The following GNB2 variants were observed in gnomAD, a reference collection of about 807,000 sequenced individuals.
GNB2 encodes the protein G protein subunit beta 2.
In GNB2, 7 loss-of-function variants were observed where a neutral mutation model predicts 40.7. That is an observed-to-expected ratio of 0.17 (90% CI 0.10 to 0.32). The LOEUF (loss-of-function observed/expected upper bound fraction) is 0.32, where lower values mean the gene tolerates loss of function less well. GNB2 is among the 10% of genes least tolerant of loss of function. The probability of loss-of-function intolerance (pLI) is 1.00; values close to 1 mark genes in which losing one functional copy is unlikely to be tolerated. For missense variants in GNB2, 286 were observed against 473.0 expected (o/e 0.60, Z 3.67); for synonymous variants, 254 against 191.2 (o/e 1.33, Z -2.71).
In GNB2 at chr7:100,676,322, G is replaced by C; in HGVS notation, c.57G>C (p.Arg19=). The change falls in exon 2 of 10, where the codon CGG becomes CGC. Residue 19 remains arginine (R), a splice_region_variant and synonymous_variant. Coordinates refer to ENST00000303210, the MANE Select transcript of GNB2 (RefSeq NM_005273.4). ...QEAEQLRNQI[R]DARKACGDST... ...CCGAGCAGCTCCGGAACCAGATCCG[G>C]GTGAGGGCCTGGTGCGGGGCGGGCG... 1.2e-6 allele frequency: 2 copies of C among 1,604,550 alleles called. No homozygotes were observed. The highest frequency in any genetic ancestry group is 1.7e-6 in the Non-Finnish European group (2 of 1,175,464).
intron 6 of GNB2, 30 bp from the exon 7 acceptor site, chr7:100,677,722 G>A: frequency 6.2e-7 from 1 of 1,613,292 alleles, no homozygotes; most frequent in Non-Finnish European, 8.5e-7. Context: ...CCCTCCGTGT[G>A]GAGACCTGGC....
At chr7:100,678,346 G>T (rs114089976) in intron 8 of GNB2, 47 bp downstream of exon 8, 12 of 1,604,004 alleles carry the variant, frequency 7.5e-6, no homozygotes, top group Admixed American at 1.7e-5. Flanking sequence ...CCAGGCTCCC[G>T]GCCCTGCTCC....
At position 100,679,104 on chromosome 7, in the gene GNB2, C is replaced by A; in HGVS notation, c.*303C>A. ...ACCCCAGGGGCTGGCTTTTTTAAAA[C>A]TGGTTTTATTTTAATTTTTATTATA... On this transcript the variant is annotated 3_prime_UTR_variant, in exon 10 of 10. Transcript: ENST00000303210. 2.8e-6 allele frequency: 1 copy of A among 361,578 alleles called. No homozygotes were observed. Among genetic ancestry groups the A allele is most frequent in the Non-Finnish European group, 5.0e-6 (1 of 200,108 alleles). 22.4% of individuals were successfully genotyped at this position (361,578 alleles called of 1,614,324 possible). A position where few individuals can be genotyped will look rare whatever the true frequency, so the allele number is the denominator to read the frequency against.
rs76931881 is a variant in GNB2 at position 100,675,881 on chromosome 7, C to G, written c.-89-296C>G. The G allele has an allele frequency of 4.9e-3, 1,107 of 226,624 alleles. 5 individuals are homozygous for G. Among genetic ancestry groups the G allele is most frequent in the Non-Finnish European group, 7.0e-3 (821 of 116,702 alleles). The allele number at this position is 226,624 out of a possible 1,614,324, so 14.0% of individuals were successfully genotyped here. A position where few individuals can be genotyped will look rare whatever the true frequency, so the allele number is the denominator to read the frequency against. On this transcript the variant is annotated intron_variant, in intron 1 of 9. Transcript: ENST00000303210. ...TTTTCGAAGGGACACCCCCGCCCCC[C>G]CCGCCCCAGTTCCTGCCGCGGGTGT...
Position 100,676,507 on chromosome 7 carries a change from G to C in GNB2, c.58-28G>C, listed in dbSNP as rs748952602. The C allele has an allele frequency of 5.6e-6, 9 of 1,593,926 alleles. 1 individual carries two copies. The Admixed American group carries it at 8.3e-5, about 15-fold the overall frequency. On this transcript the variant is annotated intron_variant, in intron 2 of 9. Coordinates refer to ENST00000303210, the MANE Select transcript of GNB2 (RefSeq NM_005273.4). ...TCCTCCCCAACCTGTCTTCTCTCGCGTCTCTCTGGCTCTGCCATCCCTTAC... is the reference window on the plus strand; with the variant it reads ...TCCTCCCCAACCTGTCTTCTCTCGCCTCTCTCTGGCTCTGCCATCCCTTAC...
chr7:100,678,860 G>A lies in GNB2; in HGVS notation c.*59G>A, dbSNP rs1804428723. 1 of 1,326,860 alleles carries A rather than the reference G, an allele frequency of 7.5e-7. No individual in the cohort carries two copies. Among genetic ancestry groups the A allele is most frequent in the South Asian group, 1.2e-5 (1 of 83,940 alleles). 82.2% of individuals were successfully genotyped at this position (1,326,860 alleles called of 1,614,324 possible). A position where few individuals can be genotyped will look rare whatever the true frequency, so the allele number is the denominator to read the frequency against. Reference sequence around the variant, plus strand: ...GGCCCTGCCCATGCCCACACTACAGGCCAGGGCTGCGGGGCTGGCGCAATC... The same window carrying A: ...GGCCCTGCCCATGCCCACACTACAGACCAGGGCTGCGGGGCTGGCGCAATC... On this transcript the variant is annotated 3_prime_UTR_variant, in exon 10 of 10. Coordinates refer to ENST00000303210, the MANE Select transcript of GNB2 (RefSeq NM_005273.4).
chr7:100,676,614 G>A (rs1157816881), intron 3 of GNB2, 41 bp downstream of exon 3: 2 of 1,582,702 alleles, frequency 1.3e-6, no homozygotes, highest in Non-Finnish European at 1.7e-6. Flanking sequence ...AGGGGTTGAA[G>A]GGGCAAGGAT....
intron 7 of GNB2, 127 bp from the exon 8 acceptor site, chr7:100,677,967 CACCT>C: frequency 1.0e-6 from 1 of 1,001,132 alleles, no homozygotes; most frequent in Non-Finnish European, 1.5e-6. Flanking sequence ...GTCCCCTCCC[CACCT>C]AAGGCTCTGA....
chr7:100,676,107 C>T (rs1031510900), intron 1 of GNB2, 70 bp from the exon 2 acceptor site: 1 of 546,066 alleles, frequency 1.8e-6, no homozygotes, highest in South Asian at 2.4e-5. Flanking sequence ...TTCCGGGCCG[C>T]GCTGCAACCC....
In GNB2 at chr7:100,678,545, C is replaced by T. The variant is rs1301350116; in HGVS notation, c.847C>T (p.Arg283Trp). 3.7e-6 allele frequency: 6 copies of T among 1,613,748 alleles called. No homozygotes were observed. Among genetic ancestry groups the T allele is most frequent in the African/African-American group, 1.3e-5 (1 of 74,934 alleles). The change falls in exon 9 of 10, where the codon CGG (arginine) becomes TGG (tryptophan). Residue 283 changes from arginine (R) to tryptophan (W), a missense_variant. Physicochemically the swap from Arg to Trp is moderately radical, Grantham distance 101 (BLOSUM62 -3). Transcript: ENST00000303210. Reference sequence around the variant, plus strand: ...CTCTGTTGCCTTCTCGCGCAGCGGACGGCTGCTGCTCGCTGGCTACGACGA... The same window carrying T: ...CTCTGTTGCCTTCTCGCGCAGCGGATGGCTGCTGCTCGCTGGCTACGACGA... ...ITSVAFSRSG[R>W]LLLAGYDDFN... is the part of the protein sequence containing the mutation.
rs570401973 is a variant in GNB2 at position 100,678,500 on chromosome 7, A to G, written c.802A>G (p.Asn268Asp). The change falls in exon 9 of 10, where the codon AAC becomes GAC. Residue 268 changes from asparagine (N) to aspartate (D), a missense_variant. Asn to Asp is a conservative substitution (Grantham distance 23, BLOSUM62 1). Coordinates refer to ENST00000303210, the MANE Select transcript of GNB2 (RefSeq NM_005273.4). ...DQELLMYSHD[N>D]IICGITSVAF... ...GGAGCTCCTCATGTACTCCCATGAC[A>G]ACATCATCTGTGGCATCACCTCTGT... 12 of 1,613,880 alleles carry G rather than the reference A, an allele frequency of 7.4e-6. No individual in the cohort carries two copies. Among genetic ancestry groups the G allele is most frequent in the South Asian group, 1.1e-5 (1 of 91,086 alleles).
Position 100,676,815 on chromosome 7 carries a change from C to T in GNB2, c.203+16C>T, listed in dbSNP as rs779406494. 6.9e-6 allele frequency: 10 copies of T among 1,445,618 alleles called. No individual in the cohort carries two copies. Among genetic ancestry groups the T allele is most frequent in the East Asian group, 2.4e-5 (1 of 41,934 alleles). The allele number at this position is 1,445,618 out of a possible 1,614,324, so 89.5% of individuals were successfully genotyped here. Reference sequence around the variant, plus strand: ...CCGACTCAAGGTGTGTGTGTGTGCGCGGGCTGGCGCTGTGGGCCGACTTTC... The same window carrying T: ...CCGACTCAAGGTGTGTGTGTGTGCGTGGGCTGGCGCTGTGGGCCGACTTTC... On this transcript the variant is annotated intron_variant, in intron 4 of 9. Transcript: ENST00000303210.
chr7:100,678,760 G>T lies in GNB2; in HGVS notation c.982G>T (p.Ala328Ser). ...GGTCACCGACGATGGCATGGCTGTG[G>T]CCACGGGCTCCTGGGACTCCTTCCT... is the stretch of plus-strand genomic sequence containing the variant. ...LGVTDDGMAV[A>S]TGSWDSFLKI... is the part of the protein sequence containing the mutation. Residue 328 changes from alanine (A) to serine (S), a missense_variant, in exon 10 of 10, where the codon GCC becomes TCC. By Grantham distance (99) the Ala-to-Ser change is moderately conservative. Coordinates refer to ENST00000303210, the MANE Select transcript of GNB2 (RefSeq NM_005273.4). 1 of 1,613,668 alleles carries T rather than the reference G, an allele frequency of 6.2e-7. No individual in the cohort carries two copies. The highest frequency in any genetic ancestry group is 8.5e-7 in the Non-Finnish European group (1 of 1,179,944).
chr7:100,676,621 G>A, intron 3 of GNB2, 48 bp downstream of exon 3: 1 of 1,566,094 alleles, frequency 6.4e-7, no homozygotes, highest in Non-Finnish European at 8.8e-7. Flanking sequence ...GAAGGGGCAA[G>A]GATCAGAGGC....
Position 100,678,927 on chromosome 7 carries a change from C to G in GNB2, c.*126C>G, listed in dbSNP as rs940739116. The G allele has an allele frequency of 7.0e-6, 5 of 714,418 alleles. No individual in the cohort carries two copies. The African/African-American group carries it at 7.2e-5, about 10-fold the overall frequency. 44.3% of individuals were successfully genotyped at this position (714,418 alleles called of 1,614,324 possible). On this transcript the variant is annotated 3_prime_UTR_variant, in exon 10 of 10. Coordinates refer to ENST00000303210, the MANE Select transcript of GNB2 (RefSeq NM_005273.4). ...GGCCACGGGGCCTTGGGTCCCTGCC[C>G]TCCCACCCAGGTTTGGTTCCTCCCG...
At position 100,676,679 on chromosome 7, in the gene GNB2, G is replaced by C. The variant is rs776485571; in HGVS notation, c.97-14G>C. 9.4e-6 allele frequency: 15 copies of C among 1,598,284 alleles called. No homozygotes were observed. Among genetic ancestry groups the C allele is most frequent in the Non-Finnish European group, 1.2e-5 (14 of 1,166,020 alleles). ...GCCTGGGCCTCCCCGAGCGCATTCTGTCTCTACCTCCAGATCACAGCTGGG... is the reference window on the plus strand; with the variant it reads ...GCCTGGGCCTCCCCGAGCGCATTCTCTCTCTACCTCCAGATCACAGCTGGG... On this transcript the variant is annotated splice_polypyrimidine_tract_variant and intron_variant, in intron 3 of 9. Transcript: ENST00000303210.
chr7:100,676,792 G>A lies in GNB2; in HGVS notation c.196G>A (p.Asp66Asn), dbSNP rs774608487. The A allele has an allele frequency of 1.1e-5, 18 of 1,570,646 alleles. No homozygotes were observed. Among genetic ancestry groups the A allele is most frequent in the Admixed American group, 3.8e-5 (2 of 52,538 alleles). The change falls in exon 4 of 10, where the codon GAC becomes AAC. Residue 66 changes from aspartate to asparagine, a missense_variant. Transcript: ENST00000303210. Reference protein sequence around the residue: ...AKIYAMHWGTDSRLLVSASQD... With the variant: ...AKIYAMHWGTNSRLLVSASQD... Reference sequence around the variant, plus strand: ...GATCTATGCCATGCACTGGGGGACCGACTCAAGGTGTGTGTGTGTGCGCGG... The same window carrying A: ...GATCTATGCCATGCACTGGGGGACCAACTCAAGGTGTGTGTGTGTGCGCGG...
intron 4 of GNB2, 102 bp downstream of exon 4, chr7:100,676,901 C>G (rs543246008): frequency 7.4e-6 from 5 of 679,798 alleles, no homozygotes; most frequent in Non-Finnish European, 1.3e-5. Flanking sequence ...AAATACCCAG[C>G]GTACGTCTGG....
chr7:100,674,441 C>G (rs1352367646), intron 1 of GNB2, among the ~76,000 whole-genome samples: 8 of 152,108 alleles, frequency 5.3e-5, no homozygotes, highest in Non-Finnish European at 1.2e-4. Context: ...CCCCACTCGC[C>G]GAAACTGGAG....
Sources: allele counts gnomAD v4.1 joint callset (sites outside exome capture counted in the v4.1 genomes callset), GRCh38; gene constraint gnomAD v4.1.1; transcripts MANE v1.5; gene names NCBI Gene and HGNC (gene_info 2026-07-23, HGNC 2026-07-21).